Variants in CDKN2B-AS1 observed in about 807,000 individuals in gnomAD.
The protein encoded by CDKN2B-AS1 is CDKN2B antisense RNA 1 (non-protein coding).
intron 1 of CDKN2B-AS1, among the ~76,000 whole-genome samples, chr9:22,013,304 C>A (rs1008660545): frequency 2.0e-5 from 3 of 152,164 alleles, no homozygotes; most frequent in African/African-American, 4.8e-5. Context: ...TAACCCATAA[C>A]AACAGCATCT....
chr9:22,024,176 A>G (rs1209295636), intron 1 of CDKN2B-AS1, among the ~76,000 whole-genome samples: 1 of 152,158 alleles, frequency 6.6e-6, no homozygotes, highest in African/African-American at 2.4e-5. Flanking sequence ...CAATTCAACC[A>G]ACTAGCTTTG....
intron 1 of CDKN2B-AS1, among the ~76,000 whole-genome samples, chr9:22,016,710 T>C (rs947331569): frequency 6.6e-6 from 1 of 152,174 alleles, no homozygotes; most frequent in Non-Finnish European, 1.5e-5. Context: ...GGATTCCCTA[T>C]TGAATAAATG....
chr9:21,999,426 ATATCT>A lies in CDKN2B-AS1; in HGVS notation n.29+4267_29+4271del, dbSNP rs1159998653. ...CTCATGTATGTAACATATATAATAC[ATATCT>A]TTATATACACATATGTACACACATA... On this transcript the variant is annotated intron_variant and non_coding_transcript_variant, in intron 1 of 4. Transcript: ENST00000650946. This position sits in a 1 kb window ranked among gnomAD's most constrained non-coding sequence, Gnocchi z 4.7. 1.3e-5 allele frequency among the ~76,000 whole-genome samples: 2 copies of A among 151,908 alleles called. No individual in the cohort carries two copies. Among genetic ancestry groups the A allele is most frequent in the African/African-American group, 4.8e-5 (2 of 41,390 alleles).
chr9:22,086,934 T>C (rs909506661), intron 4 of CDKN2B-AS1, among the ~76,000 whole-genome samples: 5 of 152,204 alleles, frequency 3.3e-5, no homozygotes, highest in Non-Finnish European at 4.4e-5. Flanking sequence ...CCAGAATTGT[T>C]ACAACCTATG....
Position 22,006,183 on chromosome 9 carries a change from C to T in CDKN2B-AS1, n.29+11022C>T. 1 of 1,609,640 alleles carries T rather than the reference C, an allele frequency of 6.2e-7. No homozygotes were observed. Among genetic ancestry groups the T allele is most frequent in the South Asian group, 1.1e-5 (1 of 91,026 alleles). ...TCGGGTGAGAGTGGCAGGGTCTGCG[C>T]AGTTGGGCTCCGCGCCGTGGAGCAG... On this transcript the variant is annotated intron_variant and non_coding_transcript_variant, in intron 1 of 4. Coordinates refer to ENST00000650946, the Ensembl canonical transcript of CDKN2B-AS1. This position sits in a 1 kb window ranked among gnomAD's most constrained non-coding sequence, Gnocchi z 6.4.
intron 4 of CDKN2B-AS1, among the ~76,000 whole-genome samples, chr9:22,081,946 C>A (rs1212172274): frequency 6.6e-6 from 1 of 152,136 alleles, no homozygotes; most frequent in Non-Finnish European, 1.5e-5. Flanking sequence ...TCATATACCC[C>A]CAGCCTGTGG....
At chr9:22,050,286 C>T (rs1370138306) in intron 3 of CDKN2B-AS1, among the ~76,000 whole-genome samples, 1 of 152,316 alleles carries the variant, frequency 6.6e-6, no homozygotes, top group African/African-American at 2.4e-5. Flanking sequence ...GAAGGGAAGA[C>T]AGAAAAGCAG....
chr9:22,048,456 T>C (rs1823201064), intron 2 of CDKN2B-AS1, among the ~76,000 whole-genome samples: 1 of 152,176 alleles, frequency 6.6e-6, no homozygotes, highest in African/African-American at 2.4e-5. Context: ...AGGCTGTTCA[T>C]GGGGTTAGTC....
intron 4 of CDKN2B-AS1, among the ~76,000 whole-genome samples, chr9:22,085,707 C>A (rs996441226): frequency 7.6e-6 from 1 of 132,104 alleles, no homozygotes; most frequent in African/African-American, 3.1e-5. Context: ...GGCAACAGAG[C>A]GAGACTCCGT....
intron 2 of CDKN2B-AS1, among the ~76,000 whole-genome samples, chr9:22,047,975 T>G (rs1464928161): frequency 6.7e-6 from 1 of 149,272 alleles, no homozygotes; most frequent in African/African-American, 2.5e-5. Flanking sequence ...TTTTTTTTTT[T>G]GTAGAGATGG....
intron 4 of CDKN2B-AS1, among the ~76,000 whole-genome samples, chr9:22,107,655 C>A (rs994612240): frequency 3.3e-5 from 5 of 152,186 alleles, no homozygotes; most frequent in African/African-American, 1.2e-4. Context: ...CCTGTCCTGA[C>A]TTTCTCCACC....
chr9:22,016,309 A>C (rs1249325786), intron 1 of CDKN2B-AS1, among the ~76,000 whole-genome samples: 3 of 152,238 alleles, frequency 2.0e-5, no homozygotes, highest in Non-Finnish European at 4.4e-5. Context: ...GATACAAACA[A>C]ATGGAAGAAC....
rs74440776 is a variant in CDKN2B-AS1, at chr9:22,072,122, A to T, written n.438+15735A>T. The stretch of plus-strand genomic sequence containing the variant: ...CTAAATGTCATTGCATTTGGATCAC[A>T]GGCCTTGAGAAGATCTGTACCATCA... On this transcript the variant is annotated intron_variant and non_coding_transcript_variant, in intron 4 of 4. Coordinates refer to ENST00000650946, the Ensembl canonical transcript of CDKN2B-AS1. Among the ~76,000 whole-genome samples the T allele has an allele frequency of 2.2e-3, 337 of 152,322 alleles. 1 individual carries two copies. The highest frequency in any genetic ancestry group is 3.4e-3 in the Non-Finnish European group (233 of 68,032).
At chr9:22,031,203 A>G (rs1358719644) in intron 1 of CDKN2B-AS1, among the ~76,000 whole-genome samples, 1 of 152,128 alleles carries the variant, frequency 6.6e-6, no homozygotes, top group East Asian at 1.9e-4. Context: ...TTAAGCACAT[A>G]ATTTGTAAAA....
Position 22,099,417 on chromosome 9 carries a change from C to T in CDKN2B-AS1, n.439-27686C>T, listed in dbSNP as rs72652459. Among the ~76,000 whole-genome samples the T allele has an allele frequency of 4.2e-3, 640 of 152,174 alleles. 11 individuals are homozygous for T. The highest frequency in any genetic ancestry group is 3.4e-3 in the Middle Eastern group (1 of 294). ...GGCAGGATAAGAGACAATGAATTGA[C>T]GGGGAGCTGGGTTTGATAGCAAGAA... On this transcript the variant is annotated intron_variant and non_coding_transcript_variant, in intron 4 of 4. Coordinates refer to ENST00000650946, the Ensembl canonical transcript of CDKN2B-AS1.
chr9:22,016,618 G>C (rs10217281), intron 1 of CDKN2B-AS1, among the ~76,000 whole-genome samples: 50 of 151,828 alleles, frequency 3.3e-4, no homozygotes, highest in Admixed American at 2.4e-3. Context: ...CAATGGAACA[G>C]AACAGAGCCC....
intron 4 of CDKN2B-AS1, among the ~76,000 whole-genome samples, chr9:22,075,707 T>C (rs1824466605): frequency 6.6e-6 from 1 of 152,196 alleles, no homozygotes; most frequent in African/African-American, 2.4e-5. Context: ...AGGGTGATGG[T>C]GCCTCTGTGA....
chr9:22,103,132 TGTGTG>T (rs984920480), intron 4 of CDKN2B-AS1, among the ~76,000 whole-genome samples: 10 of 1,356 alleles, frequency 7.4e-3, no homozygotes, highest in African/African-American at 0.016. Context: ...CTAGAACAGA[TGTGTG>T]TGTGTGTGTG....
At chr9:22,048,544 G>A (rs1254372629) in intron 2 of CDKN2B-AS1, among the ~76,000 whole-genome samples, 2 of 152,126 alleles carry the variant, frequency 1.3e-5, no homozygotes, top group African/African-American at 2.4e-5. Context: ...TTTTCTTGGA[G>A]TCATAGTTCA....
Sources: allele counts gnomAD v4.1 joint callset (sites outside exome capture counted in the v4.1 genomes callset), GRCh38; gene constraint gnomAD v4.1.1; non-coding constraint Gnocchi (gnomAD v3.1); transcripts MANE v1.5; gene names NCBI Gene and HGNC (gene_info 2026-07-23, HGNC 2026-07-21).